The following CLEC12A variants were observed in gnomAD, a reference collection of about 807,000 sequenced individuals.
The protein encoded by CLEC12A is C-type lectin domain family 12 member A.
CLEC12A carries 22 observed loss-of-function variants against 26.5 expected under a neutral mutation model. That is an observed-to-expected ratio of 0.83 (90% CI 0.59 to 1.19). The LOEUF (loss-of-function observed/expected upper bound fraction) is 1.19, where lower values mean the gene tolerates loss of function less well. CLEC12A is among the 50% of genes most tolerant of loss of function. The probability of loss-of-function intolerance (pLI) is 0.00; values close to 1 mark genes in which losing one functional copy is unlikely to be tolerated. For synonymous variants in CLEC12A, 119 were observed against 101.9 expected (o/e 1.17, Z -1.01); for missense variants, 353 against 315.6 (o/e 1.12, Z -0.90).
rs750747598 is a variant in CLEC12A, at chr12:9,993,365, T to C, written n.1005-1653T>C. On this transcript the variant is annotated intron_variant and non_coding_transcript_variant, in intron 4 of 4. Transcript: ENST00000449959. Reference sequence around the variant, plus strand: ...TAATCAGACTCTGCGTATAGTAGTTTGATGCACCAAATAGAGACTGAGGAA... The same window carrying C: ...TAATCAGACTCTGCGTATAGTAGTTCGATGCACCAAATAGAGACTGAGGAA... 16 of 1,197,268 alleles carry C rather than the reference T, an allele frequency of 1.3e-5. No individual in the cohort carries two copies. In the African/African-American group the frequency reaches 2.1e-4, roughly 16 times the overall value. The allele number at this position is 1,197,268 out of a possible 1,614,324, so 74.2% of individuals were successfully genotyped here.
intron 4 of CLEC12A, chr12:9,992,635 G>C (rs1864918710): frequency 6.6e-6 from 1 of 152,206 alleles, no homozygotes; most frequent in South Asian, 2.1e-4. Flanking sequence ...TATGAGAAAA[G>C]GGAAGTTAAA....
downstream of CLEC12A, chr12:9,995,820 A>G (rs576891580): frequency 1.8e-5 from 3 of 164,770 alleles, no homozygotes; most frequent in East Asian, 5.4e-4. Context: ...TATCTACTAA[A>G]CTATATACTA....
At chr12:9,986,295 AC>A, downstream of CLEC12A, 1 of 264,068 alleles carries the variant, frequency 3.8e-6, no homozygotes, top group Non-Finnish European at 8.0e-6. Flanking sequence ...ATAATCTGGT[AC>A]TTGCTAGTGG....
chr12:9,987,732 C>A (rs375603222), downstream of CLEC12A, among the ~76,000 whole-genome samples: 17 of 152,146 alleles, frequency 1.1e-4, no homozygotes, highest in East Asian at 1.3e-3. Context: ...TTCTGTTAAC[C>A]TGTATGTTTT....
intron 4 of CLEC12A, among the ~76,000 whole-genome samples, chr12:9,994,238 C>T (rs1419528517): frequency 4.0e-5 from 6 of 151,860 alleles, no homozygotes; most frequent in African/African-American, 1.5e-4. Context: ...GGTAACAAAA[C>T]GAGTTTGATT....
At position 9,976,988 on chromosome 12, in the gene CLEC12A, C is replaced by T. The variant is rs181563858; in HGVS notation, c.92-1978C>T. Among the ~76,000 whole-genome samples, 553 of 151,724 alleles carry T rather than the reference C, an allele frequency of 3.6e-3. 2 individuals are homozygous for T. Among genetic ancestry groups the T allele is most frequent in the African/African-American group, 0.013 (525 of 41,530 alleles). The stretch of plus-strand genomic sequence containing the variant: ...CATGATTGTGAGGCCTCCCCAGCCG[C>T]GTGAAACTGTGAATCCATTAAACCT... On this transcript the variant is annotated intron_variant, in intron 1 of 5. Coordinates refer to ENST00000304361, the MANE Select transcript of CLEC12A (RefSeq NM_138337.6).
downstream of CLEC12A, among the ~76,000 whole-genome samples, chr12:9,986,671 C>T (rs945183956): frequency 6.6e-5 from 10 of 152,028 alleles, no homozygotes; most frequent in Middle Eastern, 3.2e-3. Flanking sequence ...ATCAGCCAGG[C>T]GTGGTGACAC....
At chr12:9,957,212 G>C (rs891350650) in intron 1 of CLEC12A, among the ~76,000 whole-genome samples, 1 of 152,178 alleles carries the variant, frequency 6.6e-6, no homozygotes, top group Non-Finnish European at 1.5e-5. Flanking sequence ...GGTGTGGGTA[G>C]GGCGGTGGCT....
intron 1 of CLEC12A, among the ~76,000 whole-genome samples, chr12:9,978,151 T>C (rs1864410682): frequency 6.6e-6 from 1 of 152,178 alleles, no homozygotes; most frequent in Non-Finnish European, 1.5e-5. Context: ...ATTATTATGG[T>C]ATCCCTGAAT....
At chr12:9,994,875 A>C in intron 4 of CLEC12A, 1 of 697,414 alleles carries the variant, frequency 1.4e-6, no homozygotes, top group Non-Finnish European at 2.1e-6. Context: ...ACATGCACAC[A>C]GTGTTCCATG....
intron 1 of CLEC12A, among the ~76,000 whole-genome samples, chr12:9,973,074 A>G (rs1011890300): frequency 2.0e-5 from 3 of 152,168 alleles, no homozygotes; most frequent in Non-Finnish European, 4.4e-5. Context: ...CGAGCTTAGA[A>G]TCTACATTAT....
At chr12:9,971,335 A>C, upstream of CLEC12A, 1 of 944,162 alleles carries the variant, frequency 1.1e-6, no homozygotes, top group Non-Finnish European at 1.3e-6. Flanking sequence ...GAGAAAAAGG[A>C]AGAAATATGA....
At chr12:10,004,173 G>A in the CLEC12A span, among the ~76,000 whole-genome samples, 18 of 152,288 alleles carry the variant, frequency 1.2e-4, no homozygotes, top group Non-Finnish European at 2.4e-4. Context: ...AGGGGTGGGT[G>A]CCTGGAACCC....
At chr12:9,964,238 A>G (rs981129400) in intron 1 of CLEC12A, among the ~76,000 whole-genome samples, 3 of 152,180 alleles carry the variant, frequency 2.0e-5, no homozygotes, top group African/African-American at 7.2e-5. Context: ...AAATGAGTTC[A>G]TCAGGAGGGT....
At chr12:9,983,621 G>T (rs761131661) in intron 5 of CLEC12A, 2 of 633,030 alleles carry the variant, frequency 3.2e-6, no homozygotes, top group Non-Finnish European at 5.7e-6. Context: ...TATACTTTTA[G>T]CAGGAGACAG....
intron 1 of CLEC12A, among the ~76,000 whole-genome samples, chr12:9,972,042 A>ATG (rs200619603): frequency 3.0e-4 from 29 of 95,864 alleles, no homozygotes; most frequent in Middle Eastern, 5.6e-3. Context: ...ATGATTTCAT[A>ATG]TGTGTGTGTG....
downstream of CLEC12A, among the ~76,000 whole-genome samples, chr12:9,987,675 T>G (rs1044148380): frequency 3.4e-4 from 52 of 152,230 alleles, no homozygotes; most frequent in African/African-American, 1.2e-3. Flanking sequence ...GTAAAGGGCT[T>G]ACAACTACCT....
At chr12:9,981,776 A>G (rs190992141) in intron 4 of CLEC12A, among the ~76,000 whole-genome samples, 1 of 152,224 alleles carries the variant, frequency 6.6e-6, no homozygotes, top group African/African-American at 2.4e-5. Context: ...ACTGACTGTA[A>G]ATTAAGGTTG....
rs1864703435 is a variant in CLEC12A, at chr12:9,984,760, C to G, written c.642-110C>G. On this transcript the variant is annotated intron_variant, in intron 5 of 5. Coordinates refer to ENST00000304361, the MANE Select transcript of CLEC12A (RefSeq NM_138337.6). ...AACATTAAATTAGATTTAGTTTAAA[C>G]AACACAGAGTCTAGGGCAATAATAT... 6 of 1,000,628 alleles carry G rather than the reference C, an allele frequency of 6.0e-6. No homozygotes were observed. The South Asian group carries it at 2.1e-4, about 35-fold the overall frequency. 62.0% of individuals were successfully genotyped at this position (1,000,628 alleles called of 1,614,324 possible). A position where few individuals can be genotyped will look rare whatever the true frequency, so the allele number is the denominator to read the frequency against.
Sources: allele counts gnomAD v4.1 joint callset (sites outside exome capture counted in the v4.1 genomes callset), GRCh38; gene constraint gnomAD v4.1.1; transcripts MANE v1.5; gene names NCBI Gene and HGNC (gene_info 2026-07-23, HGNC 2026-07-21).